The following SLC22A11 variants were observed in gnomAD, a reference collection of about 807,000 sequenced individuals.
SLC22A11 encodes the protein solute carrier family 22 member 11.
In SLC22A11, 42 loss-of-function variants were observed where a neutral mutation model predicts 49.4. The ratio of observed to expected loss-of-function variants is 0.85; its 90% CI spans 0.66 to 1.10. The LOEUF is 1.10. Among genes scored for constraint, SLC22A11 ranks in the 50% least tolerant of loss-of-function variants. The pLI, the probability that SLC22A11 is intolerant of heterozygous loss-of-function variation, is 0.00. For synonymous variants in SLC22A11, 304 were observed against 315.8 expected (o/e 0.96, Z 0.40); for missense variants, 685 against 731.6 (o/e 0.94, Z 0.74).
At chr11:64,557,601 T>G (rs1327403549) in intron 1 of SLC22A11, among the ~76,000 whole-genome samples, 1 of 150,272 alleles carries the variant, frequency 6.7e-6, no homozygotes, top group Non-Finnish European at 1.5e-5. Flanking sequence ...TGCGGGGACA[T>G]GCTCTGGAGC....
chr11:64,570,271 C>T (rs1331258542), intron 9 of SLC22A11, among the ~76,000 whole-genome samples: 1 of 152,248 alleles, frequency 6.6e-6, no homozygotes, highest in East Asian at 1.9e-4. Flanking sequence ...CAGGCCCAGA[C>T]AGATCAACAG....
chr11:64,571,086 A>G lies in SLC22A11; in HGVS notation c.*44A>G. The G allele has an allele frequency of 6.3e-7, 1 of 1,599,404 alleles. No individual in the cohort carries two copies. Among genetic ancestry groups the G allele is most frequent in the Admixed American group, 1.7e-5 (1 of 59,998 alleles). On this transcript the variant is annotated 3_prime_UTR_variant, in exon 10 of 10. Transcript: ENST00000301891. Reference sequence around the variant, plus strand: ...GCCCCTTTAGTCAAAGACTCCTGGAAAGGAGTTGCCTCTTCTCCAATCAGA... The same window carrying G: ...GCCCCTTTAGTCAAAGACTCCTGGAGAGGAGTTGCCTCTTCTCCAATCAGA...
At chr11:64,566,163 T>C (rs1174064600) in intron 6 of SLC22A11, 1 of 153,306 alleles carries the variant, frequency 6.5e-6, no homozygotes, top group Non-Finnish European at 1.4e-5. Context: ...GGAGGATCAC[T>C]GGAGCCCAGG....
rs2038611749 is a variant in SLC22A11 at position 64,565,434 on chromosome 11, C to T, written c.1058+97C>T. On this transcript the variant is annotated intron_variant, in intron 6 of 9. Transcript: ENST00000301891. This position sits in a 1 kb window ranked among gnomAD's most constrained non-coding sequence, Gnocchi z 4.1. ...GGCAGAGCGTCCAGGGGAAACAGCA[C>T]CCGCAGGCCTCAAGGGGGTGCATTT... 2.0e-6 allele frequency: 2 copies of T among 989,674 alleles called. No homozygotes were observed. The highest frequency in any genetic ancestry group is 3.1e-6 in the Non-Finnish European group (2 of 648,808). The allele number at this position is 989,674 out of a possible 1,614,324, so 61.3% of individuals were successfully genotyped here.
At chr11:64,567,960 TC>T (rs2038651443) in intron 7 of SLC22A11, 147 bp downstream of exon 7, 2 of 850,758 alleles carry the variant, frequency 2.4e-6, no homozygotes, top group Admixed American at 2.7e-5. Context: ...GGACCTGGAA[TC>T]CCTCTCTGTG....
rs568852161 is a variant in SLC22A11 at position 64,560,790 on chromosome 11, G to T, written c.498-1214G>T. On this transcript the variant is annotated intron_variant, in intron 2 of 9. Coordinates refer to ENST00000301891, the MANE Select transcript of SLC22A11 (RefSeq NM_018484.4). ...CCCAGCTCAGCACGGTGGCAGACAC[G>T]CAGTCATTATTTCATGAATGGAGGA... 3.4e-4 allele frequency among the ~76,000 whole-genome samples: 52 copies of T among 152,244 alleles called. 1 individual carries two copies. The South Asian group carries it at 9.3e-3, about 27-fold the overall frequency.
chr11:64,559,168 C>G lies in SLC22A11; in HGVS notation c.427C>G (p.Pro143Ala). 6.2e-7 allele frequency: 1 copy of G among 1,613,566 alleles called. No individual in the cohort carries two copies. The highest frequency in any genetic ancestry group is 8.5e-7 in the Non-Finnish European group (1 of 1,179,692). Reference protein sequence around the residue: ...DLVCSSQGLKPLSQSIFMSGI... With the variant: ...DLVCSSQGLKALSQSIFMSGI... The stretch of plus-strand genomic sequence containing the variant: ...GGTGTGCAGCTCCCAGGGCTTGAAG[C>G]CCCTAAGCCAGTCCATCTTCATGTC... The change falls in exon 2 of 10, where the codon CCC (proline) becomes GCC (alanine). Residue 143 changes from proline to alanine, a missense_variant. Pro to Ala is a conservative substitution (Grantham distance 27). Transcript: ENST00000301891.
chr11:64,564,466 G>T lies in SLC22A11; in HGVS notation c.942+38G>T. The T allele has an allele frequency of 6.2e-7, 1 of 1,609,060 alleles. No individual in the cohort carries two copies. Among genetic ancestry groups the T allele is most frequent in the Non-Finnish European group, 8.5e-7 (1 of 1,176,826 alleles). The stretch of plus-strand genomic sequence containing the variant: ...TGTCTGCGAGACTTGACCTGGGACA[G>T]GACGTGCACTGAGGGATCATCCGTG... On this transcript the variant is annotated intron_variant, in intron 5 of 9. Transcript: ENST00000301891. The surrounding 1 kb of genome is among the most constrained non-coding windows in gnomAD (Gnocchi z 4.2).
rs2038591660 is a variant in SLC22A11, at chr11:64,564,256, C to T, written c.822-52C>T. The T allele has an allele frequency of 7.5e-6, 12 of 1,608,750 alleles. No individual in the cohort carries two copies. The highest frequency in any genetic ancestry group is 4.0e-5 in the African/African-American group (3 of 74,984). ...TGCCCACTGCCCCTTTCCACCCCGC[C>T]CCGGGGGAGAGCCCAGCGTGCACTC... is the stretch of plus-strand genomic sequence containing the variant. On this transcript the variant is annotated intron_variant, in intron 4 of 9. Transcript: ENST00000301891. The surrounding 1 kb of genome is among the most constrained non-coding windows in gnomAD (Gnocchi z 4.2).
rs1301314292 is a variant in SLC22A11 at position 64,562,748 on chromosome 11, AC to A, written c.821+314del. Among the ~76,000 whole-genome samples, 1 of 152,240 alleles carries A rather than the reference AC, an allele frequency of 6.6e-6. No individual in the cohort carries two copies. Among genetic ancestry groups the A allele is most frequent in the African/African-American group, 2.4e-5 (1 of 41,472 alleles). ...TTTAAAAATCAGAAGATTTTCAAAA[AC>A]AAACAAAAACAGTATTTTTTACCTT... is the stretch of plus-strand genomic sequence containing the variant. On this transcript the variant is annotated intron_variant, in intron 4 of 9. Transcript: ENST00000301891. The surrounding 1 kb of genome is among the most constrained non-coding windows in gnomAD (Gnocchi z 4.4).
chr11:64,559,512 C>A (rs1270031507), intron 2 of SLC22A11, among the ~76,000 whole-genome samples: 1 of 152,142 alleles, frequency 6.6e-6, no homozygotes, highest in African/African-American at 2.4e-5. Flanking sequence ...CTCCCATACT[C>A]CTGCCAGATG....
intron 2 of SLC22A11, among the ~76,000 whole-genome samples, chr11:64,560,624 C>T (rs1257669913): frequency 6.6e-6 from 1 of 152,220 alleles, no homozygotes; most frequent in Admixed American, 6.5e-5. Context: ...GACTCCTGCC[C>T]GGCCCCAGGC....
chr11:64,561,556 C>A (rs570023320), intron 2 of SLC22A11, among the ~76,000 whole-genome samples: 2 of 152,322 alleles, frequency 1.3e-5, no homozygotes, highest in East Asian at 3.9e-4. Context: ...TCAAGCCATC[C>A]TCCCACCTCA....
chr11:64,565,263 G>A lies in SLC22A11; in HGVS notation c.984G>A (p.Lys328=). Residue 328 remains lysine, a synonymous_variant, in exon 6 of 10, where the codon AAG becomes AAA. Transcript: ENST00000301891. This position sits in a 1 kb window ranked among gnomAD's most constrained non-coding sequence, Gnocchi z 4.1. ...SSVKEEVASA[K]EPRSVLDLFC... ...TGAAGGAGGAGGTGGCCTCTGCAAAGGAGCCGCGGTCGGTGCTGGACCTGT... is the reference window on the plus strand; with the variant it reads ...TGAAGGAGGAGGTGGCCTCTGCAAAAGAGCCGCGGTCGGTGCTGGACCTGT... The A allele has an allele frequency of 1.3e-6, 2 of 1,549,790 alleles. No individual in the cohort carries two copies. The highest frequency in any genetic ancestry group is 1.7e-6 in the Non-Finnish European group (2 of 1,146,764).
chr11:64,565,188 C>T lies in SLC22A11; in HGVS notation c.943-34C>T. The T allele has an allele frequency of 6.8e-7, 1 of 1,467,864 alleles. No homozygotes were observed. The highest frequency in any genetic ancestry group is 2.5e-5 in the East Asian group (1 of 40,266). The allele number at this position is 1,467,864 out of a possible 1,614,324, so 90.9% of individuals were successfully genotyped here. ...CAGGGGGTGGGGCAGGGCCATTGCC[C>T]TACCATTCACGGTGCCCCCATTCTC... is the stretch of plus-strand genomic sequence containing the variant. On this transcript the variant is annotated intron_variant, in intron 5 of 9. Coordinates refer to ENST00000301891, the MANE Select transcript of SLC22A11 (RefSeq NM_018484.4). The surrounding 1 kb of genome is among the most constrained non-coding windows in gnomAD (Gnocchi z 4.1).
In SLC22A11 at chr11:64,571,015, C is replaced by G. The variant is rs769934108; in HGVS notation, c.1626C>G (p.Ala542=). The change falls in exon 10 of 10, where the codon GCC becomes GCG. Residue 542 remains alanine, a synonymous_variant. Coordinates refer to ENST00000301891, the MANE Select transcript of SLC22A11 (RefSeq NM_018484.4). ...CAGCCCAGGGCAACCGGCAAGAGGC[C>G]GTCACTGTGGAAAGTACCTCGCTCT... ...STAAQGNRQE[A]VTVESTSL 2 of 1,614,090 alleles carry G rather than the reference C, an allele frequency of 1.2e-6. No individual in the cohort carries two copies. The highest frequency in any genetic ancestry group is 1.7e-6 in the Non-Finnish European group (2 of 1,180,040).
chr11:64,571,032 C>G lies in SLC22A11; in HGVS notation c.1643C>G (p.Thr548Ser). ...NRQEAVTVESTSL is the reference protein window; with the variant it reads ...NRQEAVTVESSSL ...CAAGAGGCCGTCACTGTGGAAAGTA[C>G]CTCGCTCTAGAAATTGTGCCTGCAT... Residue 548 changes from threonine to serine, a missense_variant, in exon 10 of 10, where the codon ACC (threonine) becomes AGC (serine). Coordinates refer to ENST00000301891, the MANE Select transcript of SLC22A11 (RefSeq NM_018484.4). The G allele has an allele frequency of 1.2e-6, 2 of 1,614,224 alleles. No homozygotes were observed. The highest frequency in any genetic ancestry group is 1.3e-5 in the African/African-American group (1 of 75,066).
chr11:64,569,803 C>T lies in SLC22A11; in HGVS notation c.1534C>T (p.Leu512Phe). The change falls in exon 9 of 10, where the codon CTC (leucine) becomes TTC (phenylalanine). Residue 512 changes from leucine (L) to phenylalanine (F), a missense_variant. Transcript: ENST00000301891. ...TTCCAGCCTGGTTGTGCTGTTCTTCCTCCCGGAGACCCAGGGACTTCCGCT... is the reference window on the plus strand; with the variant it reads ...TTCCAGCCTGGTTGTGCTGTTCTTCTTCCCGGAGACCCAGGGACTTCCGCT... ...IASSLVVLFF[L>F]PETQGLPLPD... The T allele has an allele frequency of 1.2e-6, 2 of 1,614,064 alleles. No individual in the cohort carries two copies. Among genetic ancestry groups the T allele is most frequent in the Non-Finnish European group, 1.7e-6 (2 of 1,180,036 alleles).
At chr11:64,569,170 AG>A (rs2038669717) in intron 8 of SLC22A11, among the ~76,000 whole-genome samples, 1 of 152,184 alleles carries the variant, frequency 6.6e-6, no homozygotes, top group African/African-American at 2.4e-5. Context: ...ATGGAAAACC[AG>A]TGGTCTAGAG....
Sources: gnomAD v4.1 joint callset for allele counts (sites outside exome capture counted in the v4.1 genomes callset) on GRCh38, gnomAD v4.1.1 for gene constraint, Gnocchi (gnomAD v3.1) non-coding constraint, MANE v1.5 for transcripts, NCBI Gene and HGNC (gene_info 2026-07-23, HGNC 2026-07-21) for gene names.